The following SSH3 variants were observed in gnomAD, a reference collection of about 807,000 sequenced individuals.
The protein encoded by SSH3 is protein phosphatase Slingshot homolog 3.
Under a neutral mutation model 75.0 loss-of-function variants are expected in SSH3, and 67 were observed. The ratio of observed to expected loss-of-function variants is 0.89; its 90% confidence interval spans 0.73 to 1.10. The LOEUF is 1.10. Among genes scored for constraint, SSH3 ranks in the 50% least tolerant of loss-of-function variants. SSH3 has a pLI of 0.00. For synonymous variants in SSH3, 318 were observed against 349.2 expected (o/e 0.91, Z 1.00); for missense variants, 824 against 872.7 (o/e 0.94, Z 0.70).
intron 1 of SSH3, 30 bp downstream of exon 1, chr11:67,303,721 A>T (rs1861132740): frequency 6.9e-7 from 1 of 1,453,276 alleles, no homozygotes; most frequent in African/African-American, 1.5e-5. Flanking sequence ...GGTGCCGCCC[A>T]CGCAGTTGCT....
Position 67,307,930 on chromosome 11 carries a change from T to C in SSH3, c.876T>C (p.Thr292=). The change falls in exon 8 of 14, where the codon ACT becomes ACC. Residue 292 remains threonine (T), a synonymous_variant. Transcript: ENST00000308127. This position sits in a 1 kb window ranked among gnomAD's most constrained non-coding sequence, Gnocchi z 4.2. ...ATGTCAGTGACCTGGAGAGTGTCACTTCCAAAGAGGTGGGCAGGGGGCCCG... is the reference window on the plus strand; with the variant it reads ...ATGTCAGTGACCTGGAGAGTGTCACCTCCAAAGAGGTGGGCAGGGGGCCCG... ...VLDVSDLESV[T]SKEIRQALEL... 6.2e-7 allele frequency: 1 copy of C among 1,614,202 alleles called. No individual in the cohort carries two copies.
chr11:67,308,213 C>T lies in SSH3; in HGVS notation c.925C>T (p.Gln309Ter). The T allele has an allele frequency of 6.2e-7, 1 of 1,614,036 alleles. No homozygotes were observed. Among genetic ancestry groups the T allele is most frequent in the South Asian group, 1.1e-5 (1 of 91,084 alleles). ...ALELRLGLPL[Q>*]QYRDFIDNQM... ...GGAGCTGCGCCTGGGGCTCCCCCTC[C>T]AGCAGTACCGTGACTTCATCGACAA... The change falls in exon 9 of 14, where the codon CAG becomes TAG. Residue 309 changes from glutamine to a stop codon, truncating the protein, a stop_gained. Coordinates refer to ENST00000308127, the MANE Select transcript of SSH3 (RefSeq NM_017857.4). LOFTEE classifies it high-confidence loss of function. This position sits in a 1 kb window ranked among gnomAD's most constrained non-coding sequence, Gnocchi z 4.9.
In SSH3 at chr11:67,311,059, G is replaced by A. The variant is rs184770898; in HGVS notation, c.1684-532G>A. On this transcript the variant is annotated intron_variant, in intron 13 of 13. Transcript: ENST00000308127. Reference sequence around the variant, plus strand: ...AGGCCAAATGGCTGACTTGGAGGAAGGAGCATCCACTGAGGGCAGGAACAT... The same window carrying A: ...AGGCCAAATGGCTGACTTGGAGGAAAGAGCATCCACTGAGGGCAGGAACAT... Among the ~76,000 whole-genome samples the A allele has an allele frequency of 3.3e-5, 5 of 152,334 alleles. 2 individuals are homozygous for A. Among genetic ancestry groups the A allele is most frequent in the African/African-American group, 1.2e-4 (5 of 41,582 alleles).
intron 1 of SSH3, 188 bp from the exon 2 acceptor site, chr11:67,303,928 CGG>C (rs1861145876): frequency 2.4e-6 from 2 of 827,528 alleles, no homozygotes; most frequent in Non-Finnish European, 3.5e-6. Flanking sequence ...CCGCCACACT[CGG>C]CGCCCACCCA....
rs777997579 is a variant in SSH3 at position 67,308,270 on chromosome 11, C to T, written c.982C>T (p.Arg328Ter). The change falls in exon 9 of 14, where the codon CGA (arginine) becomes TGA (stop). Residue 328 changes from arginine to a stop codon, truncating the protein, a stop_gained. Transcript: ENST00000308127. LOFTEE classifies it high-confidence loss of function. This position sits in a 1 kb window ranked among gnomAD's most constrained non-coding sequence, Gnocchi z 4.9. Reference protein sequence around the residue: ...QMLLLVAQRDRASRIFPHLYL... With the variant: ...QMLLLVAQRD Reference sequence around the variant, plus strand: ...GCTGCTGCTGGTGGCACAGCGGGACCGAGCCTCCCGCATCTTCCCCCACCT... The same window carrying T: ...GCTGCTGCTGGTGGCACAGCGGGACTGAGCCTCCCGCATCTTCCCCCACCT... The T allele has an allele frequency of 1.9e-5, 30 of 1,614,086 alleles. No homozygotes were observed. Among genetic ancestry groups the T allele is most frequent in the African/African-American group, 4.0e-5 (3 of 75,050 alleles).
intron 3 of SSH3, 37 bp from the exon 4 acceptor site, chr11:67,306,801 G>C: frequency 6.3e-7 from 1 of 1,582,170 alleles, no homozygotes; most frequent in African/African-American, 1.3e-5. Context: ...AGGGTCCTTG[G>C]GGCCACTGTG....
Position 67,307,023 on chromosome 11 carries a change from T to C in SSH3, c.465-19T>C, listed in dbSNP as rs777978363. 1 of 1,613,804 alleles carries C rather than the reference T, an allele frequency of 6.2e-7. No homozygotes were observed. The highest frequency in any genetic ancestry group is 8.5e-7 in the Non-Finnish European group (1 of 1,179,874). ...TGAGGGACAGGGGGGACAATGGCTT[T>C]CCCTCTGTCCCCTGCCAGCTCCCCC... On this transcript the variant is annotated intron_variant, in intron 4 of 13. Transcript: ENST00000308127. The surrounding 1 kb of genome is among the most constrained non-coding windows in gnomAD (Gnocchi z 4.2).
In SSH3 at chr11:67,311,905, C is replaced by T. The variant is rs766079314; in HGVS notation, c.*18C>T. The T allele has an allele frequency of 2.2e-5, 36 of 1,604,090 alleles. No homozygotes were observed. Among genetic ancestry groups the T allele is most frequent in the East Asian group, 2.2e-5 (1 of 44,866 alleles). On this transcript the variant is annotated 3_prime_UTR_variant, in exon 14 of 14. Transcript: ENST00000308127. ...AGGCCTGAGCCCTCACACATGCCCA[C>T]GCTCCCCTGACACTGAAGAGGATCC...
chr11:67,310,517 C>T (rs999151084), intron 13 of SSH3, among the ~76,000 whole-genome samples, 178 bp downstream of exon 13: 3 of 152,214 alleles, frequency 2.0e-5, no homozygotes, highest in Admixed American at 6.5e-5. Flanking sequence ...CAGCCTCCTT[C>T]ACAGTCAGCC....
chr11:67,307,592 G>C lies in SSH3; in HGVS notation c.646G>C (p.Gly216Arg). ...VLHQACEAAL[G>R]SGLVPGGSAL... ...GCACCAAGCATGTGAGGCAGCTCTA[G>C]GCAGCGGCCTTGTACCGGGTGGCAG... Residue 216 changes from glycine (G) to arginine (R), a missense_variant, in exon 7 of 14, where the codon GGC becomes CGC. Physicochemically the swap from Gly to Arg is moderately radical, Grantham distance 125 (BLOSUM62 -2). Transcript: ENST00000308127. The surrounding 1 kb of genome is among the most constrained non-coding windows in gnomAD (Gnocchi z 4.2). The C allele has an allele frequency of 1.2e-6, 2 of 1,613,602 alleles. No homozygotes were observed. The highest frequency in any genetic ancestry group is 1.7e-6 in the Non-Finnish European group (2 of 1,179,910).
intron 13 of SSH3, 145 bp downstream of exon 13, chr11:67,310,484 G>A (rs2134786772): frequency 9.2e-7 from 1 of 1,083,438 alleles, no homozygotes; most frequent in Admixed American, 2.9e-5. Context: ...GGGTGTCCTG[G>A]GAGGACCCAG....
intron 13 of SSH3, among the ~76,000 whole-genome samples, chr11:67,310,735 G>A (rs1861387716): frequency 6.6e-6 from 1 of 152,134 alleles, no homozygotes; most frequent in Admixed American, 6.5e-5. Context: ...CCCCAGCCTC[G>A]ATCGCGGGCA....
chr11:67,309,644 C>T lies in SSH3; in HGVS notation c.1208+101C>T, dbSNP rs977764533. 3 of 1,571,664 alleles carry T rather than the reference C, an allele frequency of 1.9e-6. No homozygotes were observed. The African/African-American group carries it at 4.0e-5, about 21-fold the overall frequency. ...CCATCAGCTGTGCCATTCCTTCCAGCCCTCAGTGTCCTTCCCTCCTTCTCT... is the reference window on the plus strand; with the variant it reads ...CCATCAGCTGTGCCATTCCTTCCAGTCCTCAGTGTCCTTCCCTCCTTCTCT... On this transcript the variant is annotated intron_variant, in intron 11 of 13. Transcript: ENST00000308127.
Position 67,308,544 on chromosome 11 carries a change from C to A in SSH3, c.1061+86C>A. 2 of 1,500,236 alleles carry A rather than the reference C, an allele frequency of 1.3e-6. No homozygotes were observed. Among genetic ancestry groups the A allele is most frequent in the Non-Finnish European group, 1.8e-6 (2 of 1,105,186 alleles). 92.9% of individuals were successfully genotyped at this position (1,500,236 alleles called of 1,614,324 possible). A position where few individuals can be genotyped will look rare whatever the true frequency, so the allele number is the denominator to read the frequency against. ...TTGGGTGGTAGCCAGCTTCAAAAAC[C>A]CCTGGACCACCCTCAGCAGCTGCTA... is the stretch of plus-strand genomic sequence containing the variant. On this transcript the variant is annotated intron_variant, in intron 10 of 13. Transcript: ENST00000308127. The surrounding 1 kb of genome is among the most constrained non-coding windows in gnomAD (Gnocchi z 4.9).
chr11:67,305,390 G>A (rs543429991), intron 3 of SSH3, among the ~76,000 whole-genome samples: 6 of 152,166 alleles, frequency 3.9e-5, no homozygotes, highest in African/African-American at 9.6e-5. Flanking sequence ...CGGTTTCACC[G>A]TGTTAGCCAG....
Position 67,309,430 on chromosome 11 carries a change from T to A in SSH3, c.1095T>A (p.Ile365=). 6.2e-7 allele frequency: 1 copy of A among 1,614,124 alleles called. No homozygotes were observed. The highest frequency in any genetic ancestry group is 8.5e-7 in the Non-Finnish European group (1 of 1,179,998). The change falls in exon 11 of 14, where the codon ATT becomes ATA. Residue 365 remains isoleucine, a synonymous_variant. Coordinates refer to ENST00000308127, the MANE Select transcript of SSH3 (RefSeq NM_017857.4). ...ACATCTTGAACATGGCCCGGGAGATTGACAACTTCTACCCTGAGCGCTTCA... is the reference window on the plus strand; with the variant it reads ...ACATCTTGAACATGGCCCGGGAGATAGACAACTTCTACCCTGAGCGCTTCA... The part of the protein sequence containing the change: ...VTHILNMARE[I]DNFYPERFTY...
intron 13 of SSH3, among the ~76,000 whole-genome samples, chr11:67,310,934 C>T (rs966457583): frequency 6.6e-6 from 1 of 152,176 alleles, no homozygotes; most frequent in Non-Finnish European, 1.5e-5. Flanking sequence ...GAGGAGTCTG[C>T]GCACTCACGC....
At position 67,308,396 on chromosome 11, in the gene SSH3, G is replaced by C. The variant is rs909156468; in HGVS notation, c.1015-16G>C. 3 of 1,613,496 alleles carry C rather than the reference G, an allele frequency of 1.9e-6. No individual in the cohort carries two copies. The highest frequency in any genetic ancestry group is 2.5e-6 in the Non-Finnish European group (3 of 1,179,750). On this transcript the variant is annotated splice_polypyrimidine_tract_variant and intron_variant, in intron 9 of 13. Coordinates refer to ENST00000308127, the MANE Select transcript of SSH3 (RefSeq NM_017857.4). The surrounding 1 kb of genome is among the most constrained non-coding windows in gnomAD (Gnocchi z 4.9). Reference sequence around the variant, plus strand: ...GGCTGGAGGAGAGGAGAAATGTGCTGTTCCCTCTCTCCCAGGGCTCAGAGT... The same window carrying C: ...GGCTGGAGGAGAGGAGAAATGTGCTCTTCCCTCTCTCCCAGGGCTCAGAGT...
chr11:67,305,312 G>A (rs911623349), intron 3 of SSH3, among the ~76,000 whole-genome samples: 1 of 151,416 alleles, frequency 6.6e-6, no homozygotes, highest in East Asian at 1.9e-4. Context: ...TCAGCCTCCC[G>A]AGGAGCTGGG....
Sources: gnomAD v4.1 joint callset for allele counts (sites outside exome capture counted in the v4.1 genomes callset) on GRCh38, gnomAD v4.1.1 for gene constraint, Gnocchi (gnomAD v3.1) non-coding constraint, MANE v1.5 for transcripts, NCBI Gene and HGNC (gene_info 2026-07-23, HGNC 2026-07-21) for gene names.